The following SLC14A2 variants were observed in gnomAD, a reference collection of about 807,000 sequenced individuals.
SLC14A2 encodes solute carrier family 14 member 2, also known as urea transporter 2.
SLC14A2 carries 91 observed loss-of-function variants against 104.6 expected under a neutral mutation model. The observed-to-expected ratio is 0.87, with a 90% confidence interval of 0.73 to 1.04. The LOEUF is 1.04. SLC14A2 is among the 50% of genes least tolerant of loss of function. The pLI is 0.00. For synonymous variants in SLC14A2, 476 were observed against 466.4 expected (o/e 1.02, Z -0.27); for missense variants, 1,189 against 1,156.0 (o/e 1.03, Z -0.41).
chr18:45,502,371 C>T (rs1015038470), intron 2 of SLC14A2, among the ~76,000 whole-genome samples: 2 of 152,222 alleles, frequency 1.3e-5, no homozygotes, highest in African/African-American at 4.8e-5. Flanking sequence ...AGGGCAGGGT[C>T]TGTGCCATCT....
At chr18:45,221,328 T>A (rs910294458) in intron 1 of SLC14A2, among the ~76,000 whole-genome samples, 1 of 152,196 alleles carries the variant, frequency 6.6e-6, no homozygotes, top group African/African-American at 2.4e-5. Flanking sequence ...TATTGCATTA[T>A]TAAAGATAAA....
intron 2 of SLC14A2, among the ~76,000 whole-genome samples, chr18:45,584,209 G>C (rs1475205484): frequency 6.6e-6 from 1 of 152,122 alleles, no homozygotes; most frequent in East Asian, 1.9e-4. Context: ...TAAGATTTTG[G>C]ATACAGGGTG....
chr18:45,223,597 C>T (rs1568108119), intron 1 of SLC14A2, among the ~76,000 whole-genome samples: 1 of 152,204 alleles, frequency 6.6e-6, no homozygotes, highest in Non-Finnish European at 1.5e-5. Context: ...GAGGTACACA[C>T]ACCCCCTCCC....
At chr18:45,254,094 C>T (rs564797170) in intron 1 of SLC14A2, among the ~76,000 whole-genome samples, 10 of 152,238 alleles carry the variant, frequency 6.6e-5, no homozygotes, top group South Asian at 6.2e-4. Context: ...GGTCCTGGGA[C>T]GATCCCTGTG....
chr18:45,337,000 T>G (rs2085344035), intron 1 of SLC14A2, among the ~76,000 whole-genome samples: 1 of 152,104 alleles, frequency 6.6e-6, no homozygotes, highest in Non-Finnish European at 1.5e-5. Flanking sequence ...AGCCTAGTTT[T>G]TTTTTTTAAG....
chr18:45,328,078 A>C (rs1464013491), intron 1 of SLC14A2, among the ~76,000 whole-genome samples: 1 of 152,144 alleles, frequency 6.6e-6, no homozygotes, highest in African/African-American at 2.4e-5. Flanking sequence ...ACAAAGTGGA[A>C]GAAAAAAAAA....
At chr18:45,292,076 A>G (rs1003261725) in intron 1 of SLC14A2, among the ~76,000 whole-genome samples, 1 of 152,104 alleles carries the variant, frequency 6.6e-6, no homozygotes, top group African/African-American at 2.4e-5. Flanking sequence ...TTTTTCCTCC[A>G]TATAATGGCA....
At chr18:45,565,809 G>A (rs551479041) in intron 2 of SLC14A2, among the ~76,000 whole-genome samples, 14 of 152,260 alleles carry the variant, frequency 9.2e-5, no homozygotes, top group Admixed American at 4.6e-4. Flanking sequence ...ATCCTGTGAT[G>A]GCTGTCCTCC....
intron 2 of SLC14A2, among the ~76,000 whole-genome samples, chr18:45,533,277 C>T (rs2043727163): frequency 6.6e-6 from 1 of 152,138 alleles, no homozygotes; most frequent in Non-Finnish European, 1.5e-5. Flanking sequence ...GGAATGGTAC[C>T]AGCTCCTCCT....
chr18:45,367,193 T>C (rs2085674719), intron 1 of SLC14A2, among the ~76,000 whole-genome samples: 1 of 152,218 alleles, frequency 6.6e-6, no homozygotes, highest in East Asian at 1.9e-4. Context: ...AAGTCCACCT[T>C]TTCATTTTAC....
intron 1 of SLC14A2, among the ~76,000 whole-genome samples, chr18:45,378,779 TG>T (rs1336426648): frequency 9.2e-5 from 14 of 152,292 alleles, no homozygotes; most frequent in Admixed American, 5.2e-4. Context: ...TTGTTGTTGT[TG>T]TTGTTTTGTT....
At chr18:45,588,086 T>C (rs1461052825) in intron 2 of SLC14A2, among the ~76,000 whole-genome samples, 1 of 152,104 alleles carries the variant, frequency 6.6e-6, no homozygotes, top group Non-Finnish European at 1.5e-5. Flanking sequence ...AGGATGATCA[T>C]GGAAAGACTG....
intron 1 of SLC14A2, among the ~76,000 whole-genome samples, chr18:45,322,231 A>G (rs894105990): frequency 1.6e-4 from 24 of 152,224 alleles, no homozygotes; most frequent in Non-Finnish European, 2.6e-4. Flanking sequence ...AGAATAAATT[A>G]TATAACTTAG....
intron 2 of SLC14A2, among the ~76,000 whole-genome samples, chr18:45,586,074 T>C (rs1027450852): frequency 1.3e-5 from 2 of 152,244 alleles, no homozygotes; most frequent in African/African-American, 2.4e-5. Flanking sequence ...TGTTAATACA[T>C]ATATAATACA....
intron 1 of SLC14A2, among the ~76,000 whole-genome samples, chr18:45,427,136 C>A (rs1036330127): frequency 5.9e-5 from 9 of 152,096 alleles, no homozygotes; most frequent in African/African-American, 2.2e-4. Context: ...CCCCCTTTCA[C>A]TGGAAGAATG....
chr18:45,409,952 A>G (rs1466406049), intron 1 of SLC14A2, among the ~76,000 whole-genome samples: 1 of 152,180 alleles, frequency 6.6e-6, no homozygotes, highest in Non-Finnish European at 1.5e-5. Context: ...GTAATGTAGA[A>G]TCAGTGGGAT....
At chr18:45,344,815 C>A (rs1336782188) in intron 1 of SLC14A2, among the ~76,000 whole-genome samples, 3 of 152,172 alleles carry the variant, frequency 2.0e-5, no homozygotes, top group Non-Finnish European at 4.4e-5. Flanking sequence ...ATGCATGACC[C>A]GTCACGTAAA....
chr18:45,273,563 T>C (rs1282647127), intron 1 of SLC14A2, among the ~76,000 whole-genome samples: 1 of 151,606 alleles, frequency 6.6e-6, no homozygotes, highest in African/African-American at 2.4e-5. Flanking sequence ...TAGACTTGAC[T>C]TTTTTCTGAT....
the SLC14A2 span, among the ~76,000 whole-genome samples, chr18:45,193,210 C>T: frequency 6.6e-6 from 1 of 152,162 alleles, no homozygotes; most frequent in African/African-American, 2.4e-5. Flanking sequence ...TTAAGAGTCT[C>T]TTTCAAAGAG....
Sources: gnomAD v4.1 joint callset for allele counts (sites outside exome capture counted in the v4.1 genomes callset) on GRCh38, gnomAD v4.1.1 for gene constraint, MANE v1.5 for transcripts, NCBI Gene and HGNC (gene_info 2026-07-23, HGNC 2026-07-21) for gene names.